EIF3J: variants seen among roughly 807,000 people sequenced by gnomAD.
EIF3J encodes eukaryotic translation initiation factor 3 subunit J, also known as eukaryotic translation initiation factor 3, subunit 1 (alpha, 35kD).
A neutral mutation model predicts 39.0 loss-of-function variants in EIF3J; 15 were observed. The observed-to-expected ratio is 0.38, with a 90% CI of 0.26 to 0.59. EIF3J has a LOEUF of 0.59. EIF3J is among the 20% of genes least tolerant of loss of function. The probability of loss-of-function intolerance (pLI) is 0.60; values close to 1 mark genes in which losing one functional copy is unlikely to be tolerated. For missense variants in EIF3J, 226 were observed against 308.6 expected, an observed-to-expected ratio of 0.73 and a Z score of 2.00; for synonymous variants, 98 against 112.9, an observed-to-expected ratio of 0.87 and a Z score of 0.84.
At chr15:44,548,647 A>G (rs1309857096) in intron 2 of EIF3J, among the ~76,000 whole-genome samples, 1 of 152,208 alleles carries the variant, frequency 6.6e-6, no homozygotes, top group Non-Finnish European at 1.5e-5. Context: ...GTCCAGTATC[A>G]AGGTGCTGGC....
intron 2 of EIF3J, among the ~76,000 whole-genome samples, chr15:44,537,871 T>C (rs1052172728): frequency 2.6e-5 from 4 of 152,242 alleles, no homozygotes; most frequent in South Asian, 2.1e-4. Flanking sequence ...GGTCTACTTA[T>C]ACAGTTTGTT....
At chr15:44,548,420 A>T (rs565738205) in intron 2 of EIF3J, among the ~76,000 whole-genome samples, 1 of 152,326 alleles carries the variant, frequency 6.6e-6, no homozygotes, top group East Asian at 1.9e-4. Context: ...CGTCTCAAAA[A>T]ACAAGACCAA....
At chr15:44,544,108 T>TTA (rs1365226182) in intron 2 of EIF3J, among the ~76,000 whole-genome samples, 11 of 149,622 alleles carry the variant, frequency 7.4e-5, no homozygotes, top group Admixed American at 7.3e-4. Flanking sequence ...CTTTTTTTTT[T>TTA]TTTTAGACGG....
intron 6 of EIF3J, chr15:44,559,176 A>T (rs1053415984): frequency 2.0e-5 from 3 of 150,666 alleles, no homozygotes; most frequent in Admixed American, 6.6e-5. Flanking sequence ...AGGCTGGTAG[A>T]TCACCTGAGG....
At chr15:44,551,810 G>A (rs764074920) in intron 4 of EIF3J, among the ~76,000 whole-genome samples, 1 of 151,714 alleles carries the variant, frequency 6.6e-6, no homozygotes, top group Non-Finnish European at 1.5e-5. Flanking sequence ...CTAGTCAGCA[G>A]TATTAGTTTT....
intron 2 of EIF3J, among the ~76,000 whole-genome samples, chr15:44,549,839 A>G (rs1595802783): frequency 1.3e-5 from 2 of 150,970 alleles, no homozygotes; most frequent in South Asian, 2.1e-4. Context: ...GTATGCCTGT[A>G]ATCCTAGTTA....
At chr15:44,545,371 G>A (rs1006676742) in intron 2 of EIF3J, among the ~76,000 whole-genome samples, 4 of 152,006 alleles carry the variant, frequency 2.6e-5, no homozygotes, top group Admixed American at 2.0e-4. Flanking sequence ...AAATGAAGCT[G>A]TTTACATGTA....
rs560378535 is a variant in EIF3J at position 44,537,196 on chromosome 15, T to TGGCGGCGGCGGC, written c.14_25dup (p.Ala5_Ala8dup). On this transcript the variant is annotated inframe_insertion, in exon 1 of 8. Coordinates refer to ENST00000261868, the MANE Select transcript of EIF3J (RefSeq NM_003758.4). Reference sequence around the variant, plus strand: ...ACACACGCTCACACCCGGCTCGAGATGGCGGCGGCGGCGGCGGCGGCGGGG... The same window carrying TGGCGGCGGCGGC: ...ACACACGCTCACACCCGGCTCGAGATGGCGGCGGCGGCGGCGGCGGCGGCGGCGGCGGCGGGG... 10 of 1,601,504 alleles carry TGGCGGCGGCGGC rather than the reference T, an allele frequency of 6.2e-6. No homozygotes were observed. Among genetic ancestry groups the TGGCGGCGGCGGC allele is most frequent in the Admixed American group, 3.4e-5 (2 of 59,206 alleles).
rs190173298 is a variant in EIF3J at position 44,548,664 on chromosome 15, C to T, written c.148-2212C>T. ...CCAGTATCAAGGTGCTGGCATCTGG[C>T]GAGGGCCTTCTTGCTCTATTATCCT... On this transcript the variant is annotated intron_variant, in intron 2 of 7. Coordinates refer to ENST00000261868, the MANE Select transcript of EIF3J (RefSeq NM_003758.4). Among the ~76,000 whole-genome samples the T allele has an allele frequency of 1.4e-4, 21 of 152,192 alleles. No homozygotes were observed. The South Asian group carries it at 1.7e-3, about 12-fold the overall frequency.
In EIF3J at chr15:44,551,438, A is replaced by C; in HGVS notation, c.210A>C (p.Lys70Asn). 6.3e-7 allele frequency: 1 copy of C among 1,577,860 alleles called. No individual in the cohort carries two copies. The highest frequency in any genetic ancestry group is 8.6e-7 in the Non-Finnish European group (1 of 1,166,734). The change falls in exon 4 of 8, where the codon AAA becomes AAC. Residue 70 changes from lysine (K) to asparagine (N), a missense_variant. By Grantham distance (94) the Lys-to-Asn change is moderately conservative. Transcript: ENST00000261868. ...KEEAEVKPEV[K>N]ISEKKKIAEK... The stretch of plus-strand genomic sequence containing the variant: ...ACTTTTTTTTACTTTTAGAGGTAAA[A>C]ATTTCAGAAAAGAAAAAAATAGCAG...
chr15:44,554,386 A>G (rs945757416), intron 4 of EIF3J, among the ~76,000 whole-genome samples, 167 bp from the exon 5 acceptor site: 2 of 151,656 alleles, frequency 1.3e-5, no homozygotes, highest in Non-Finnish European at 2.9e-5. Flanking sequence ...AAAAAAAAAA[A>G]AAAAAAAAAA....
intron 5 of EIF3J, 88 bp from the exon 6 acceptor site, chr15:44,557,401 G>A: frequency 9.8e-7 from 1 of 1,016,814 alleles, no homozygotes; most frequent in Non-Finnish European, 1.4e-6. Context: ...AAACGACAGG[G>A]TTATTCAGAT....
intron 4 of EIF3J, among the ~76,000 whole-genome samples, chr15:44,552,838 G>T (rs1444633568): frequency 6.6e-6 from 1 of 152,180 alleles, no homozygotes; most frequent in African/African-American, 2.4e-5. Context: ...AGGATTATAG[G>T]CGTGAACCAC....
intron 2 of EIF3J, among the ~76,000 whole-genome samples, chr15:44,547,212 C>A (rs1383890281): frequency 6.6e-6 from 1 of 151,922 alleles, no homozygotes; most frequent in East Asian, 1.9e-4. Flanking sequence ...GGCGCGATCT[C>A]GGCTCACCAC....
At chr15:44,539,056 C>T (rs376720911) in intron 2 of EIF3J, among the ~76,000 whole-genome samples, 5 of 131,958 alleles carry the variant, frequency 3.8e-5, no homozygotes, top group South Asian at 2.3e-4. Context: ...GATGGAGTTT[C>T]GCTCTTGTTG....
intron 2 of EIF3J, among the ~76,000 whole-genome samples, chr15:44,541,842 C>T (rs1006006482): frequency 6.6e-6 from 1 of 152,224 alleles, no homozygotes; most frequent in African/African-American, 2.4e-5. Flanking sequence ...TGTATCCCCA[C>T]TTTCCTCCTC....
At chr15:44,547,180 G>C (rs555179521) in intron 2 of EIF3J, among the ~76,000 whole-genome samples, 1 of 151,848 alleles carries the variant, frequency 6.6e-6, no homozygotes, top group East Asian at 1.9e-4. Context: ...TTTCATTCTT[G>C]TTGCCCAGGC....
intron 2 of EIF3J, among the ~76,000 whole-genome samples, chr15:44,546,756 A>C (rs1282728733): frequency 6.8e-6 from 1 of 146,204 alleles, no homozygotes; most frequent in Non-Finnish European, 1.5e-5. Flanking sequence ...ATTGTGTTTG[A>C]TAATTGGTTT....
chr15:44,546,338 C>G (rs575862880), intron 2 of EIF3J, among the ~76,000 whole-genome samples: 1 of 152,306 alleles, frequency 6.6e-6, no homozygotes, highest in East Asian at 1.9e-4. Context: ...CTTTTTAATA[C>G]AAAGTTCCTT....
Sources: allele counts gnomAD v4.1 joint callset (sites outside exome capture counted in the v4.1 genomes callset), GRCh38; gene constraint gnomAD v4.1.1; transcripts MANE v1.5; gene names NCBI Gene and HGNC (gene_info 2026-07-23, HGNC 2026-07-21).